Variants in RFPL1 observed in about 807,000 individuals in gnomAD.
RFPL1 encodes the protein ret finger protein like 1.
In RFPL1, 6 loss-of-function variants were observed where a neutral mutation model predicts 9.6. That is an observed-to-expected ratio of 0.62 (90% CI 0.34 to 1.23). The LOEUF is 1.23. RFPL1 is among the 50% of genes most tolerant of loss of function. RFPL1 has a pLI of 0.03. For synonymous variants in RFPL1, 145 were observed against 149.4 expected, an observed-to-expected ratio of 0.97 and a Z score of 0.22; for missense variants, 352 against 398.4, an observed-to-expected ratio of 0.88 and a Z score of 0.99.
intron 1 of RFPL1, 72 bp from the exon 2 acceptor site, chr22:29,441,469 GC>G: frequency 6.7e-7 from 1 of 1,489,784 alleles, no homozygotes; most frequent in East Asian, 2.3e-5. Flanking sequence ...AGATATTTGG[GC>G]CTTTGAAGTA....
Position 29,438,991 on chromosome 22 carries a change from T to C in RFPL1, c.200T>C (p.Leu67Pro), listed in dbSNP as rs774597091. 18 of 1,614,020 alleles carry C rather than the reference T, an allele frequency of 1.1e-5. No individual in the cohort carries two copies. The highest frequency in any genetic ancestry group is 1.5e-5 in the Non-Finnish European group (18 of 1,179,932). ...GTCTGCTTCAAGTGCATCAATTCAC[T>C]GCAGAAGGAGCCCCATGGGGAGGAT... The change falls in exon 1 of 2, where the codon CTG (leucine) becomes CCG (proline). Residue 67 changes from leucine (L) to proline (P), a missense_variant. Leu to Pro is a moderately conservative substitution (Grantham distance 98). Transcript: ENST00000354373.
exon 2 of RFPL1, chr22:29,442,018 G>A (rs1185773551): frequency 1.2e-6 from 2 of 1,613,734 alleles, no homozygotes; most frequent in African/African-American, 2.7e-5. Flanking sequence ...CTTGTTTTTT[G>A]CTCCTCCAAG....
the RFPL1 span, among the ~76,000 whole-genome samples, chr22:29,394,270 C>T: frequency 9.2e-5 from 14 of 152,118 alleles, no homozygotes; most frequent in Non-Finnish European, 1.9e-4. Context: ...TCTCTTGCCT[C>T]AGCCTCCCGA....
the RFPL1 span, among the ~76,000 whole-genome samples, chr22:29,397,778 A>C: frequency 6.6e-6 from 1 of 152,084 alleles, no homozygotes. Context: ...AGTAGTGCCC[A>C]CTTCTAGTTG....
the RFPL1 span, among the ~76,000 whole-genome samples, chr22:29,411,681 T>C: frequency 1.3e-5 from 2 of 152,118 alleles, no homozygotes; most frequent in South Asian, 4.1e-4. Flanking sequence ...GGAGCCCACA[T>C]TTGCACCAAA....
At chr22:29,431,602 A>G in the RFPL1 span, among the ~76,000 whole-genome samples, 1 of 152,172 alleles carries the variant, frequency 6.6e-6, no homozygotes, top group Non-Finnish European at 1.5e-5. Flanking sequence ...ATATGCAATG[A>G]TAAGTTTTCT....
At chr22:29,431,676 A>C in the RFPL1 span, among the ~76,000 whole-genome samples, 1 of 149,238 alleles carries the variant, frequency 6.7e-6, no homozygotes, top group East Asian at 2.0e-4. Flanking sequence ...GCGTGTAATC[A>C]ATCTTTAAAA....
the RFPL1 span, among the ~76,000 whole-genome samples, chr22:29,420,626 GTT>G: frequency 3.6e-5 from 3 of 82,586 alleles, no homozygotes; most frequent in Non-Finnish European, 6.4e-5. Flanking sequence ...ACTGCAGATG[GTT>G]TTTTGCTTTT....
chr22:29,439,355 TG>T, intron 1 of RFPL1, 191 bp downstream of exon 1: 1 of 882,474 alleles, frequency 1.1e-6, no homozygotes, highest in Non-Finnish European at 1.7e-6. Context: ...AAAGGCTGGC[TG>T]GGCATGGTGG....
the RFPL1 span, among the ~76,000 whole-genome samples, chr22:29,402,441 G>A: frequency 6.6e-6 from 1 of 152,222 alleles, no homozygotes; most frequent in Non-Finnish European, 1.5e-5. Context: ...AGAAAAGAGA[G>A]TTGGTAGGTC....
At chr22:29,393,216 C>A in the RFPL1 span, among the ~76,000 whole-genome samples, 2 of 152,098 alleles carry the variant, frequency 1.3e-5, no homozygotes, top group African/African-American at 4.8e-5. Context: ...GTGTGAAGCG[C>A]CTCTGCATAT....
the RFPL1 span, among the ~76,000 whole-genome samples, chr22:29,431,307 G>A: frequency 6.6e-6 from 1 of 152,222 alleles, no homozygotes; most frequent in East Asian, 1.9e-4. Flanking sequence ...CAGGCACAGT[G>A]TGTGCACTTA....
chr22:29,415,521 C>A, the RFPL1 span, among the ~76,000 whole-genome samples: 6 of 152,268 alleles, frequency 3.9e-5, no homozygotes. Flanking sequence ...TGGCCGGAGT[C>A]CCCTGCAGGG....
chr22:29,412,366 C>T, the RFPL1 span, among the ~76,000 whole-genome samples: 1 of 152,140 alleles, frequency 6.6e-6, no homozygotes. Context: ...ACGTAGCCCC[C>T]CAGTTCTTGG....
At chr22:29,428,970 G>T in the RFPL1 span, among the ~76,000 whole-genome samples, 6 of 152,058 alleles carry the variant, frequency 3.9e-5, no homozygotes, top group African/African-American at 1.4e-4. Flanking sequence ...AAAATGAGAA[G>T]AAAAGAGATA....
At chr22:29,402,595 G>A in the RFPL1 span, among the ~76,000 whole-genome samples, 1 of 151,938 alleles carries the variant, frequency 6.6e-6, no homozygotes, top group Non-Finnish European at 1.5e-5. Context: ...GAGTTGCTAT[G>A]GTCAAGTTGA....
At chr22:29,423,584 G>A in the RFPL1 span, among the ~76,000 whole-genome samples, 1 of 152,102 alleles carries the variant, frequency 6.6e-6, no homozygotes, top group Non-Finnish European at 1.5e-5. Flanking sequence ...AGGATGGACG[G>A]GCTTACAGCA....
At chr22:29,436,336 A>G (rs1411755009), upstream of RFPL1, among the ~76,000 whole-genome samples, 8 of 152,122 alleles carry the variant, frequency 5.3e-5, no homozygotes, top group African/African-American at 1.7e-4. Context: ...CACGCCTGTA[A>G]TCCCAGCACT....
At chr22:29,422,467 C>T in the RFPL1 span, among the ~76,000 whole-genome samples, 145 of 152,296 alleles carry the variant, frequency 9.5e-4, 1 homozygote, top group Admixed American at 1.4e-3. Context: ...AATCCCATGA[C>T]TTGGGAGGCT....
Sources: allele counts gnomAD v4.1 joint callset (sites outside exome capture counted in the v4.1 genomes callset), GRCh38; gene constraint gnomAD v4.1.1; transcripts MANE v1.5; gene names NCBI Gene and HGNC (gene_info 2026-07-23, HGNC 2026-07-21).